ABCA12: variants seen among roughly 807,000 people sequenced by gnomAD.
The protein encoded by ABCA12 is glucosylceramide transporter ABCA12.
In ABCA12, 156 loss-of-function variants were observed where a neutral mutation model predicts 293.5. That is an observed-to-expected ratio of 0.53 (90% CI 0.47 to 0.61). The LOEUF (loss-of-function observed/expected upper bound fraction) is 0.61. Among genes scored for constraint, ABCA12 ranks in the 20% least tolerant of loss-of-function variants. The probability of loss-of-function intolerance (pLI) is 0.00; values close to 1 mark genes in which losing one functional copy is unlikely to be tolerated. For missense variants in ABCA12, 2,797 were observed against 3,090.2 expected (o/e 0.91, Z 2.25); for synonymous variants, 1,063 against 1,108.0 (o/e 0.96, Z 0.81).
intron 2 of ABCA12, among the ~76,000 whole-genome samples, chr2:215,087,693 C>T (rs1477615920): frequency 1.3e-5 from 2 of 152,056 alleles, no homozygotes; most frequent in Non-Finnish European, 2.9e-5. Flanking sequence ...GTAGAGTGAG[C>T]AAGTGAGTGC....
Position 215,105,599 on chromosome 2 carries a change from A to ACG in ABCA12, c.163+5996_163+5997dup, listed in dbSNP as rs1553545666. On this transcript the variant is annotated intron_variant, in intron 2 of 52. Coordinates refer to ENST00000272895, the MANE Select transcript of ABCA12 (RefSeq NM_173076.3). ...TCAAGACACACACACACACACACAC[A>ACG]CGCACACACACACACACACACACGC... is the stretch of plus-strand genomic sequence containing the variant. 3.0e-5 allele frequency among the ~76,000 whole-genome samples: 4 copies of ACG among 135,208 alleles called. No homozygotes were observed. In the Admixed American group the frequency reaches 3.0e-4, roughly 10 times the overall value. The allele number at this position is 135,208 out of a possible 152,430, so 88.7% of individuals were successfully genotyped here. A position where few individuals can be genotyped will look rare whatever the true frequency, so the allele number is the denominator to read the frequency against.
intron 35 of ABCA12, 77 bp from the exon 36 acceptor site, chr2:214,974,119 G>C: frequency 7.8e-7 from 1 of 1,287,214 alleles, no homozygotes; most frequent in Non-Finnish European, 1.1e-6. Flanking sequence ...ATGTAAACAA[G>C]TATTTGGTAT....
At chr2:215,024,766 C>T (rs1242686296) in intron 11 of ABCA12, among the ~76,000 whole-genome samples, 2 of 152,058 alleles carry the variant, frequency 1.3e-5, no homozygotes, top group African/African-American at 4.8e-5. Flanking sequence ...TTATTCCTGA[C>T]TATGTAAATC....
In ABCA12 at chr2:214,978,893, C is replaced by T. The variant is rs780149203; in HGVS notation, c.4888G>A (p.Ala1630Thr). Residue 1630 changes from alanine (A) to threonine (T), a missense_variant, in exon 32 of 53, where the codon GCC becomes ACC. Physicochemically the swap from Ala to Thr is moderately conservative, Grantham distance 58 (BLOSUM62 0). This residue lies in a region of ABCA12 where 2,130 missense variants were observed against 2,427.0 expected (regional missense o/e 0.88). Coordinates refer to ENST00000272895, the MANE Select transcript of ABCA12 (RefSeq NM_173076.3). ...LPPFSTKVSG[A>T]YLSLLRALDN... Reference sequence around the variant, plus strand: ...AGTGCCCGTAGGAGTGACAGGTAGGCCCCTGAGACTTTGGTGCTGAATGGA... The same window carrying T: ...AGTGCCCGTAGGAGTGACAGGTAGGTCCCTGAGACTTTGGTGCTGAATGGA... 5 of 1,614,022 alleles carry T rather than the reference C, an allele frequency of 3.1e-6. No individual in the cohort carries two copies. The South Asian group carries it at 3.3e-5, about 11-fold the overall frequency.
At chr2:215,135,432 G>A (rs988042019) in intron 1 of ABCA12, among the ~76,000 whole-genome samples, 26 of 152,044 alleles carry the variant, frequency 1.7e-4, no homozygotes, top group African/African-American at 7.2e-5. Context: ...GCTTTGTGAT[G>A]GAATTTCTAA....
intron 34 of ABCA12, among the ~76,000 whole-genome samples, chr2:214,975,483 C>G (rs1343572683): frequency 3.3e-5 from 5 of 152,116 alleles, no homozygotes; most frequent in Non-Finnish European, 5.9e-5. Flanking sequence ...AAGTTATTTG[C>G]TGTATATTAC....
intron 14 of ABCA12, 113 bp from the exon 15 acceptor site, chr2:215,015,776 A>G: frequency 1.1e-6 from 1 of 893,760 alleles, no homozygotes. Flanking sequence ...AAGGTCCTCA[A>G]GAATCAAACA....
chr2:214,959,128 A>G lies in ABCA12; in HGVS notation c.5885-50T>C, dbSNP rs1417235043. On this transcript the variant is annotated intron_variant, in intron 39 of 52. Coordinates refer to ENST00000272895, the MANE Select transcript of ABCA12 (RefSeq NM_173076.3). Reference sequence around the variant, plus strand: ...TTAGTAGGTATTCAGTTAATCAGAAATACCAATTTTTAGATGAATAATATT... The same window carrying G: ...TTAGTAGGTATTCAGTTAATCAGAAGTACCAATTTTTAGATGAATAATATT... 4 of 1,474,166 alleles carry G rather than the reference A, an allele frequency of 2.7e-6. No homozygotes were observed. The African/African-American group carries it at 4.2e-5, about 15-fold the overall frequency. 91.3% of individuals were successfully genotyped at this position (1,474,166 alleles called of 1,614,324 possible). A position where few individuals can be genotyped will look rare whatever the true frequency, so the allele number is the denominator to read the frequency against.
intron 19 of ABCA12, among the ~76,000 whole-genome samples, chr2:215,006,232 G>A (rs1574977452): frequency 1.3e-5 from 2 of 151,990 alleles, no homozygotes; most frequent in African/African-American, 4.8e-5. Context: ...AATCATATGT[G>A]GCTTTTTTTT....
At chr2:215,063,960 GAAAAC>G in intron 3 of ABCA12, 101 bp downstream of exon 3, 1 of 1,447,584 alleles carries the variant, frequency 6.9e-7, no homozygotes, top group Non-Finnish European at 9.7e-7. Context: ...TATAGACAGA[GAAAAC>G]AAAATTGCAT....
intron 2 of ABCA12, among the ~76,000 whole-genome samples, chr2:215,103,088 T>C (rs192556464): frequency 6.2e-4 from 94 of 152,236 alleles, no homozygotes; most frequent in African/African-American, 2.1e-3. Context: ...ACCTCCACTG[T>C]GGAATTTTTC....
intron 2 of ABCA12, chr2:215,075,689 A>G (rs757358292): frequency 3.2e-6 from 2 of 619,778 alleles, no homozygotes; most frequent in Non-Finnish European, 2.8e-6. Flanking sequence ...ATCAAAATAT[A>G]ATTTTGATAA....
At chr2:215,056,175 G>A (rs902182132) in intron 3 of ABCA12, among the ~76,000 whole-genome samples, 3 of 152,072 alleles carry the variant, frequency 2.0e-5, no homozygotes, top group Admixed American at 2.0e-4. Context: ...GAATGGTGGT[G>A]AGGAAGTGGG....
chr2:215,071,002 G>A (rs1002405220), intron 2 of ABCA12, among the ~76,000 whole-genome samples: 13 of 151,770 alleles, frequency 8.6e-5, no homozygotes, highest in South Asian at 6.2e-4. Flanking sequence ...GCAACATGGC[G>A]AAACCCTGTT....
At chr2:215,099,669 G>A (rs1281899961) in intron 2 of ABCA12, among the ~76,000 whole-genome samples, 2 of 148,322 alleles carry the variant, frequency 1.3e-5, no homozygotes, top group Non-Finnish European at 3.0e-5. Context: ...CTCCAGCTTG[G>A]TGACAGAGCG....
chr2:215,119,734 T>TAAAAAAAAAAAAAAAAAAAAAAGA (rs386654995), intron 1 of ABCA12, among the ~76,000 whole-genome samples: 1 of 75,608 alleles, frequency 1.3e-5, no homozygotes, highest in Non-Finnish European at 3.3e-5. Context: ...CATTAAAAAG[T>TAAAAAAAAAAAAAAAAAAAAAAGA]AAAAAAAAAA....
At chr2:215,079,395 C>T (rs115558427) in intron 2 of ABCA12, among the ~76,000 whole-genome samples, 3 of 152,104 alleles carry the variant, frequency 2.0e-5, no homozygotes, top group African/African-American at 4.8e-5. Context: ...CTAAACAGCC[C>T]GTGTTCGGTA....
In ABCA12 at chr2:215,111,508, A is replaced by T. The variant is rs2948978; in HGVS notation, c.163+89T>A. 0.99 allele frequency: 872,553 copies of T among 880,240 alleles called. 432,808 individuals carry two copies. The highest frequency in any genetic ancestry group is 1 in the East Asian group (39,646 of 39,648). The allele number at this position is 880,240 out of a possible 1,614,324, so 54.5% of individuals were successfully genotyped here. A position where few individuals can be genotyped will look rare whatever the true frequency, so the allele number is the denominator to read the frequency against. ...AAGTGAAAACACTATACAAAAAAAA[A>T]TTTTTGAAATGAAACACTAAAGTGG... On this transcript the variant is annotated intron_variant, in intron 2 of 52. Transcript: ENST00000272895.
chr2:215,030,491 C>T (rs1194775891), intron 9 of ABCA12, among the ~76,000 whole-genome samples: 1 of 151,562 alleles, frequency 6.6e-6, no homozygotes, highest in Non-Finnish European at 1.5e-5. Flanking sequence ...GTAGTCCCAG[C>T]TACTTGGGAG....
Sources: allele counts gnomAD v4.1 joint callset (sites outside exome capture counted in the v4.1 genomes callset), GRCh38; gene constraint gnomAD v4.1.1; regional missense constraint gnomAD v4.1.1; transcripts MANE v1.5; gene names NCBI Gene and HGNC (gene_info 2026-07-23, HGNC 2026-07-21).